The following WDR20 variants were observed in gnomAD, a reference collection of about 807,000 sequenced individuals.
The protein encoded by WDR20 is WD repeat-containing protein 20.
Under a neutral mutation model 38.7 loss-of-function variants are expected in WDR20, and 3 were observed. The ratio of observed to expected loss-of-function variants is 0.08; its 90% CI spans 0.04 to 0.20. The LOEUF is 0.20. Ranked by LOEUF, WDR20 falls within the 10% of genes least tolerant of loss-of-function variation. WDR20 has a pLI of 1.00. For missense variants in WDR20, 559 were observed against 727.7 expected (o/e 0.77, Z 2.67); for synonymous variants, 298 against 285.6 (o/e 1.04, Z -0.44).
intron 2 of WDR20, among the ~76,000 whole-genome samples, chr14:102,200,607 G>A (rs1323594421): frequency 1.3e-5 from 2 of 152,050 alleles, no homozygotes; most frequent in South Asian, 2.1e-4. Context: ...GGTAATGAAT[G>A]CAACCTTGTT....
At chr14:102,143,726 G>T (rs958254268) in intron 1 of WDR20, among the ~76,000 whole-genome samples, 5 of 151,764 alleles carry the variant, frequency 3.3e-5, no homozygotes, top group African/African-American at 1.2e-4. Context: ...TGTATTTTTG[G>T]TAGAGATGGG....
chr14:102,160,785 A>AT (rs2058450464), intron 1 of WDR20, among the ~76,000 whole-genome samples: 1 of 150,834 alleles, frequency 6.6e-6, no homozygotes, highest in Admixed American at 6.6e-5. Context: ...TACTAAATAT[A>AT]TAAAAAAAAA....
At chr14:102,170,555 A>C (rs549178007) in intron 1 of WDR20, among the ~76,000 whole-genome samples, 10 of 152,128 alleles carry the variant, frequency 6.6e-5, no homozygotes, top group Non-Finnish European at 1.3e-4. Flanking sequence ...TGTATATTTA[A>C]GAGCCATCTG....
chr14:102,191,684 G>C (rs1010866013), intron 1 of WDR20, among the ~76,000 whole-genome samples: 3 of 152,112 alleles, frequency 2.0e-5, no homozygotes, highest in African/African-American at 7.2e-5. Context: ...ATTCTTACTT[G>C]GTAAAGGTGA....
chr14:102,143,112 C>G (rs1158408561), intron 1 of WDR20, among the ~76,000 whole-genome samples: 2 of 151,916 alleles, frequency 1.3e-5, no homozygotes, highest in African/African-American at 4.8e-5. Flanking sequence ...CAGAGCGAAC[C>G]AAGGCCAGAG....
At chr14:102,151,630 C>A (rs1429406233) in intron 1 of WDR20, among the ~76,000 whole-genome samples, 1 of 152,026 alleles carries the variant, frequency 6.6e-6, no homozygotes, top group Non-Finnish European at 1.5e-5. Flanking sequence ...TTCAAACGAT[C>A]TTCCTTCCTT....
rs774377385 is a variant in WDR20 at position 102,208,999 on chromosome 14, A to G, written c.829A>G (p.Ile277Val). Reference sequence around the variant, plus strand: ...GTGCTGGAGCCCGGATGGCAAGTACATCGTGACAGGTGGGGAGGACGACTT... The same window carrying G: ...GTGCTGGAGCCCGGATGGCAAGTACGTCGTGACAGGTGGGGAGGACGACTT... ...CVCWSPDGKYIVTGGEDDLVT... is the reference protein window; with the variant it reads ...CVCWSPDGKYVVTGGEDDLVT... The change falls in exon 3 of 3, where the codon ATC becomes GTC. Residue 277 changes from isoleucine (I) to valine (V), a missense_variant. By Grantham distance (29) the Ile-to-Val change is conservative. Coordinates refer to ENST00000342702, the MANE Select transcript of WDR20 (RefSeq NM_144574.4). The surrounding 1 kb of genome is among the most constrained non-coding windows in gnomAD (Gnocchi z 5.6). 1.1e-5 allele frequency: 17 copies of G among 1,614,188 alleles called. No individual in the cohort carries two copies. The highest frequency in any genetic ancestry group is 1.4e-5 in the Non-Finnish European group (16 of 1,180,030).
chr14:102,167,471 T>G (rs1208061015), intron 1 of WDR20: 1 of 152,316 alleles, frequency 6.6e-6, no homozygotes, highest in Non-Finnish European at 1.5e-5. Context: ...TCCTCCTGCC[T>G]TGGCCTCCAG....
At chr14:102,160,995 A>G (rs1295636447) in intron 1 of WDR20, among the ~76,000 whole-genome samples, 1 of 145,652 alleles carries the variant, frequency 6.9e-6, no homozygotes, top group Non-Finnish European at 1.5e-5. Context: ...ATAACCTCAC[A>G]TGTATGATAA....
At chr14:102,171,126 AT>A in intron 1 of WDR20, among the ~76,000 whole-genome samples, 1 of 150,890 alleles carries the variant, frequency 6.6e-6, no homozygotes, top group Admixed American at 6.6e-5. Flanking sequence ...TAATTTTTGT[AT>A]TTTTAGTAGT....
At chr14:102,145,195 A>G (rs775722675) in intron 1 of WDR20, among the ~76,000 whole-genome samples, 1 of 152,214 alleles carries the variant, frequency 6.6e-6, no homozygotes, top group Non-Finnish European at 1.5e-5. Context: ...GAGTAAAGCC[A>G]TGTCTGTCTA....
rs1304806565 is a variant in WDR20, at chr14:102,193,762, AG to A, written c.250-1171del. ...GGAAGAAAGAAATCTTCAGAACCTG[AG>A]GGGGCGGTCAGTAGAGAACTAGAGC... On this transcript the variant is annotated intron_variant, in intron 1 of 2. Coordinates refer to ENST00000342702, the MANE Select transcript of WDR20 (RefSeq NM_144574.4). Among the ~76,000 whole-genome samples, 3 of 152,122 alleles carry A rather than the reference AG, an allele frequency of 2.0e-5. No homozygotes were observed. The South Asian group carries it at 6.2e-4, about 32-fold the overall frequency.
chr14:102,155,857 C>T (rs940106471), intron 1 of WDR20, among the ~76,000 whole-genome samples: 5 of 150,420 alleles, frequency 3.3e-5, no homozygotes, highest in African/African-American at 1.2e-4. Flanking sequence ...CTCACTGCAA[C>T]CTCCATCCCC....
chr14:102,147,564 G>A (rs998211796), intron 1 of WDR20, among the ~76,000 whole-genome samples: 1 of 152,198 alleles, frequency 6.6e-6, no homozygotes, highest in African/African-American at 2.4e-5. Flanking sequence ...CTGCCCTCAA[G>A]AAATGTGTCA....
At chr14:102,158,359 G>A (rs538587233) in intron 1 of WDR20, among the ~76,000 whole-genome samples, 3 of 152,066 alleles carry the variant, frequency 2.0e-5, no homozygotes, top group East Asian at 1.9e-4. Context: ...GTGCAATGGC[G>A]TGATCTTGGC....
intron 2 of WDR20, among the ~76,000 whole-genome samples, chr14:102,196,828 T>G (rs2059493476): frequency 6.6e-6 from 1 of 152,218 alleles, no homozygotes; most frequent in African/African-American, 2.4e-5. Context: ...CACTTTACAT[T>G]TTATTTGAGA....
intron 1 of WDR20, among the ~76,000 whole-genome samples, chr14:102,152,075 C>T (rs1014337441): frequency 3.9e-5 from 6 of 151,958 alleles, no homozygotes; most frequent in East Asian, 1.9e-4. Flanking sequence ...GCACCATGCC[C>T]GGCTAATTTC....
At position 102,140,137 on chromosome 14, in the gene WDR20, G is replaced by A; in HGVS notation, c.214G>A (p.Glu72Lys). The A allele has an allele frequency of 6.2e-7, 1 of 1,613,882 alleles. No individual in the cohort carries two copies. The change falls in exon 1 of 3, where the codon GAG (glutamate) becomes AAG (lysine). Residue 72 changes from glutamate (E) to lysine (K), a missense_variant. Transcript: ENST00000342702. ...GDRLCFNVGR[E>K]LYFYIYKGVR... The stretch of plus-strand genomic sequence containing the variant: ...CCGCCTCTGCTTCAATGTGGGCCGG[G>A]AGCTGTACTTCTATATCTACAAGGG...
chr14:102,174,463 A>C (rs1044144159), intron 1 of WDR20, among the ~76,000 whole-genome samples: 1 of 152,200 alleles, frequency 6.6e-6, no homozygotes, highest in South Asian at 2.1e-4. Context: ...TCTGTCACCC[A>C]GGCTAGAGTG....
Sources: allele counts gnomAD v4.1 joint callset (sites outside exome capture counted in the v4.1 genomes callset), GRCh38; gene constraint gnomAD v4.1.1; non-coding constraint Gnocchi (gnomAD v3.1); transcripts MANE v1.5; gene names NCBI Gene and HGNC (gene_info 2026-07-23, HGNC 2026-07-21).